Variants in ANKRD12 observed in about 807,000 individuals in gnomAD.
ANKRD12 encodes ankyrin repeat domain 12.
ANKRD12 carries 85 observed loss-of-function variants against 183.4 expected under a neutral mutation model. That is an observed-to-expected ratio of 0.46 (90% CI 0.39 to 0.56). The LOEUF is 0.56. ANKRD12 is among the 20% of genes least tolerant of loss of function. The probability of loss-of-function intolerance (pLI) is 0.00; values close to 1 mark genes in which losing one functional copy is unlikely to be tolerated. For synonymous variants in ANKRD12, 914 were observed against 800.2 expected, an observed-to-expected ratio of 1.14 and a Z score of -2.40; for missense variants, 2,405 against 2,357.1, an observed-to-expected ratio of 1.02 and a Z score of -0.42.
chr18:9,236,357 A>G (rs1184573148), intron 8 of ANKRD12, among the ~76,000 whole-genome samples: 1 of 152,204 alleles, frequency 6.6e-6, no homozygotes, highest in Non-Finnish European at 1.5e-5. Context: ...ATAAATTTAA[A>G]CAAACAGAAT....
intron 1 of ANKRD12, among the ~76,000 whole-genome samples, chr18:9,143,200 G>A (rs927989834): frequency 6.6e-6 from 1 of 150,806 alleles, no homozygotes; most frequent in Non-Finnish European, 1.5e-5. Flanking sequence ...CTTAAATATC[G>A]AGTTAAGAAA....
At chr18:9,248,778 G>A (rs1483883087) in intron 8 of ANKRD12, among the ~76,000 whole-genome samples, 2 of 152,248 alleles carry the variant, frequency 1.3e-5, no homozygotes, top group African/African-American at 4.8e-5. Flanking sequence ...TGATAGCTAT[G>A]GATGGCATGG....
At chr18:9,165,378 AGCTG>A (rs2143852401) in intron 1 of ANKRD12, among the ~76,000 whole-genome samples, 1 of 152,234 alleles carries the variant, frequency 6.6e-6, no homozygotes, top group Admixed American at 6.5e-5. Context: ...TTGGCACTTT[AGCTG>A]TGTTTGAGTG....
chr18:9,245,085 A>T (rs1311062125), intron 8 of ANKRD12, among the ~76,000 whole-genome samples: 2 of 152,220 alleles, frequency 1.3e-5, no homozygotes, highest in East Asian at 3.9e-4. Flanking sequence ...CCATCTGAAT[A>T]AAAAAAGCCA....
intron 1 of ANKRD12, among the ~76,000 whole-genome samples, chr18:9,149,622 C>G (rs1050152709): frequency 6.6e-6 from 1 of 151,740 alleles, no homozygotes; most frequent in African/African-American, 2.4e-5. Flanking sequence ...TGTATTTTAC[C>G]TAGATTTGGC....
intron 2 of ANKRD12, among the ~76,000 whole-genome samples, chr18:9,194,319 A>G (rs2034636372): frequency 6.9e-6 from 1 of 145,126 alleles, no homozygotes; most frequent in Non-Finnish European, 1.5e-5. Flanking sequence ...AACTACTGAT[A>G]TAGATAATTT....
intron 1 of ANKRD12, among the ~76,000 whole-genome samples, chr18:9,139,790 T>G (rs2078254710): frequency 6.6e-6 from 1 of 152,228 alleles, no homozygotes; most frequent in African/African-American, 2.4e-5. Context: ...AGATTTATCC[T>G]TGGGACAGGA....
intron 12 of ANKRD12, among the ~76,000 whole-genome samples, chr18:9,280,235 A>T (rs1189420641): frequency 6.6e-6 from 1 of 152,146 alleles, no homozygotes; most frequent in African/African-American, 2.4e-5. Context: ...TGCAACCTAG[A>T]ACCCTCGCAT....
At chr18:9,235,616 A>T (rs1360564318) in intron 8 of ANKRD12, 4 of 456,268 alleles carry the variant, frequency 8.8e-6, no homozygotes, top group Non-Finnish European at 1.3e-5. Context: ...AAGGGATCAA[A>T]CCTTAGTCTC....
intron 1 of ANKRD12, among the ~76,000 whole-genome samples, chr18:9,173,270 A>G (rs751061709): frequency 1.8e-4 from 27 of 151,562 alleles, no homozygotes; most frequent in South Asian, 4.2e-4. Flanking sequence ...GGGCTTCACA[A>G]TGTTGGCCAG....
intron 8 of ANKRD12, among the ~76,000 whole-genome samples, chr18:9,248,993 A>G (rs2038125841): frequency 6.6e-6 from 1 of 152,178 alleles, no homozygotes; most frequent in Admixed American, 6.5e-5. Context: ...CTCTTTCTAC[A>G]CTTCTCTCTT....
intron 1 of ANKRD12, among the ~76,000 whole-genome samples, chr18:9,170,126 C>G (rs1203812899): frequency 4.6e-5 from 7 of 152,230 alleles, no homozygotes; most frequent in Non-Finnish European, 1.5e-5. Flanking sequence ...CCCCACCTTT[C>G]TCTCTGGCTG....
chr18:9,170,071 C>T (rs897025807), intron 1 of ANKRD12, among the ~76,000 whole-genome samples: 4 of 152,236 alleles, frequency 2.6e-5, no homozygotes, highest in Non-Finnish European at 4.4e-5. Context: ...AGAGTTTCTG[C>T]CGAGAGATCA....
chr18:9,194,332 TTTA>T (rs2034640046), intron 2 of ANKRD12, among the ~76,000 whole-genome samples: 1 of 9,250 alleles, frequency 1.1e-4, no homozygotes, highest in Non-Finnish European at 4.5e-4. Context: ...GATAATTTTA[TTTA>T]TTTATTTATT....
rs796871428 is a variant in ANKRD12 at position 9,258,997 on chromosome 18, A to T, written c.5664+66A>T. 5 of 1,466,586 alleles carry T rather than the reference A, an allele frequency of 3.4e-6. No individual in the cohort carries two copies. The African/African-American group carries it at 7.1e-5, about 21-fold the overall frequency. The allele number at this position is 1,466,586 out of a possible 1,614,324, so 90.8% of individuals were successfully genotyped here. A position where few individuals can be genotyped will look rare whatever the true frequency, so the allele number is the denominator to read the frequency against. On this transcript the variant is annotated intron_variant, in intron 9 of 12. Transcript: ENST00000262126. ...CCAATAGAAGTATAATGCTAGCCAC[A>T]TACGTAATTTGAAGTTTTCTAGTAG...
At chr18:9,142,190 T>G (rs1419394284) in intron 1 of ANKRD12, among the ~76,000 whole-genome samples, 1 of 152,206 alleles carries the variant, frequency 6.6e-6, no homozygotes, top group Non-Finnish European at 1.5e-5. Context: ...CAAAAACCAT[T>G]TGTGGCTCTC....
intron 6 of ANKRD12, among the ~76,000 whole-genome samples, chr18:9,216,015 C>CT (rs36084675): frequency 0.77 from 109,181 of 141,352 alleles, 42,153 homozygotes; most frequent in Middle Eastern, 0.86. Flanking sequence ...GCTGCTTTTA[C>CT]TTTTTTTTTT....
intron 8 of ANKRD12, among the ~76,000 whole-genome samples, chr18:9,224,406 G>A (rs532827981): frequency 6.6e-5 from 10 of 151,982 alleles, no homozygotes; most frequent in South Asian, 2.1e-4. Flanking sequence ...AAACAGCTGC[G>A]GCTTTTTTTT....
Position 9,204,491 on chromosome 18 carries a change from A to G in ANKRD12, c.251A>G (p.His84Arg). Residue 84 changes from histidine to arginine, a missense_variant, in exon 4 of 13, where the codon CAT becomes CGT. By Grantham distance (29) the His-to-Arg change is conservative (BLOSUM62 0). Coordinates refer to ENST00000262126, the MANE Select transcript of ANKRD12 (RefSeq NM_015208.5). ...RDSDTDSDPG[H>R]TSENWGERLI... ...CATTCTGTAGATTCAGATCCAGGACATACAAGTGAAAATTGGGGGGAGAGA... is the reference window on the plus strand; with the variant it reads ...CATTCTGTAGATTCAGATCCAGGACGTACAAGTGAAAATTGGGGGGAGAGA... The G allele has an allele frequency of 1.2e-6, 2 of 1,602,316 alleles. No individual in the cohort carries two copies. The highest frequency in any genetic ancestry group is 1.7e-6 in the Non-Finnish European group (2 of 1,171,616).
Sources: allele counts gnomAD v4.1 joint callset (sites outside exome capture counted in the v4.1 genomes callset), GRCh38; gene constraint gnomAD v4.1.1; transcripts MANE v1.5; gene names NCBI Gene and HGNC (gene_info 2026-07-23, HGNC 2026-07-21).